The following NTM variants were observed in gnomAD, a reference collection of about 807,000 sequenced individuals.
The protein encoded by NTM is IgLON family member 2.
NTM carries 13 observed loss-of-function variants against 42.1 expected under a neutral mutation model. The ratio of observed to expected loss-of-function variants is 0.31; its 90% confidence interval spans 0.20 to 0.49. NTM has a LOEUF of 0.49. Among genes scored for constraint, NTM ranks in the 20% least tolerant of loss-of-function variants. The pLI is 0.99. For synonymous variants in NTM, 187 were observed against 179.2 expected (o/e 1.04, Z -0.35); for missense variants, 373 against 452.8 (o/e 0.82, Z 1.60).
chr11:132,330,216 T>C lies in NTM; in HGVS notation c.967+31T>C, dbSNP rs959019928. On this transcript the variant is annotated intron_variant, in intron 8 of 8. Coordinates refer to ENST00000683400, the MANE Select transcript of NTM (RefSeq NM_001352005.2). ...TATATTTTTCAGACAGCTGCTGCCT[T>C]GGTGGGTGTGGGGTATGTAAAACTC... 22 of 1,544,262 alleles carry C rather than the reference T, an allele frequency of 1.4e-5. No individual in the cohort carries two copies. The African/African-American group carries it at 2.6e-4, about 18-fold the overall frequency.
intron 4 of NTM, among the ~76,000 whole-genome samples, chr11:132,241,335 A>G (rs1403738407): frequency 6.6e-6 from 1 of 152,200 alleles, no homozygotes; most frequent in Non-Finnish European, 1.5e-5. Flanking sequence ...AGCCTATTTT[A>G]TTTGGTTGAT....
intron 1 of NTM, among the ~76,000 whole-genome samples, chr11:131,419,684 A>T (rs1947307129): frequency 2.6e-5 from 4 of 152,230 alleles, no homozygotes; most frequent in Admixed American, 1.3e-4. Context: ...GTTGAAGGCC[A>T]TAATAAAAAG....
At position 131,756,306 on chromosome 11, in the gene NTM, C is replaced by T. The variant is rs143159252; in HGVS notation, c.83-155258C>T. Among the ~76,000 whole-genome samples, 518 of 152,190 alleles carry T rather than the reference C, an allele frequency of 3.4e-3. 2 individuals carry two copies. The highest frequency in any genetic ancestry group is 0.027 in the Middle Eastern group (8 of 294). ...TCTCCTCTTGTTAAAGAATTGCAGGCGGGGCGTGGTGACACACCTGTAATT... is the reference window on the plus strand; with the variant it reads ...TCTCCTCTTGTTAAAGAATTGCAGGTGGGGCGTGGTGACACACCTGTAATT... On this transcript the variant is annotated intron_variant, in intron 1 of 8. Transcript: ENST00000683400.
At chr11:132,207,418 C>T (rs972894044) in intron 3 of NTM, among the ~76,000 whole-genome samples, 3 of 152,150 alleles carry the variant, frequency 2.0e-5, no homozygotes, top group South Asian at 4.1e-4. Flanking sequence ...CCCCTAGTTG[C>T]AGGAAAACAA....
intron 1 of NTM, among the ~76,000 whole-genome samples, chr11:131,498,000 C>T (rs139500184): frequency 0.025 from 3,769 of 152,318 alleles, 151 homozygotes; most frequent in African/African-American, 0.085. Flanking sequence ...AAAGACTCAG[C>T]AGTAGGGACT....
intron 1 of NTM, among the ~76,000 whole-genome samples, chr11:131,505,866 C>T (rs989667742): frequency 2.6e-5 from 4 of 152,092 alleles, no homozygotes; most frequent in Non-Finnish European, 4.4e-5. Flanking sequence ...TGTGTGATCC[C>T]GCGCAAGTTA....
At chr11:131,982,276 T>G (rs1214572051) in intron 2 of NTM, among the ~76,000 whole-genome samples, 3 of 151,840 alleles carry the variant, frequency 2.0e-5, no homozygotes, top group African/African-American at 7.3e-5. Flanking sequence ...CTGATTGGAG[T>G]AGAGTTTGCA....
intron 1 of NTM, among the ~76,000 whole-genome samples, chr11:131,655,715 C>T (rs902397974): frequency 1.5e-4 from 23 of 152,136 alleles, no homozygotes; most frequent in African/African-American, 2.7e-4. Context: ...GCACATTGTT[C>T]GATCTGACTG....
chr11:131,910,890 G>A, intron 1 of NTM: 2 of 985,544 alleles, frequency 2.0e-6, no homozygotes, highest in Non-Finnish European at 2.4e-6. Context: ...GGCCCGGATC[G>A]CACGAAGCCC....
chr11:131,804,813 A>G (rs1301493006), intron 1 of NTM, among the ~76,000 whole-genome samples: 4 of 152,176 alleles, frequency 2.6e-5, no homozygotes, highest in Non-Finnish European at 5.9e-5. Flanking sequence ...TGATTAAGTC[A>G]TGAAAGCTCT....
At chr11:132,154,110 G>A (rs1428448655) in intron 3 of NTM, among the ~76,000 whole-genome samples, 1 of 152,126 alleles carries the variant, frequency 6.6e-6, no homozygotes, top group Non-Finnish European at 1.5e-5. Flanking sequence ...CAGAGTTCCT[G>A]GGGTGAAATC....
intron 1 of NTM, among the ~76,000 whole-genome samples, chr11:131,718,573 G>C (rs553147949): frequency 1.3e-5 from 2 of 152,286 alleles, no homozygotes; most frequent in South Asian, 2.1e-4. Context: ...GCTGGGCACT[G>C]TTCCTTCCAA....
rs938669842 is a variant in NTM, at chr11:132,335,853, A to AAAC, written c.*708_*710dup. 2.0e-5 allele frequency: 3 copies of AAAC among 152,604 alleles called. No individual in the cohort carries two copies. The highest frequency in any genetic ancestry group is 7.2e-5 in the African/African-American group (3 of 41,444). The allele number at this position is 152,604 out of a possible 1,614,324, so 9.5% of individuals were successfully genotyped here. A position where few individuals can be genotyped will look rare whatever the true frequency, so the allele number is the denominator to read the frequency against. The stretch of plus-strand genomic sequence containing the variant: ...TAGAACTTACTGCAAAAACAAGACA[A>AAAC]AACTAAAAAAATACAACTGAGAAGG... On this transcript the variant is annotated 3_prime_UTR_variant, in exon 9 of 9. Transcript: ENST00000683400.
chr11:132,283,842 C>T (rs1015801132), intron 4 of NTM, among the ~76,000 whole-genome samples: 3 of 152,134 alleles, frequency 2.0e-5, no homozygotes, highest in African/African-American at 7.2e-5. Flanking sequence ...CTACCAGTAA[C>T]CGTGTCTGCA....
At chr11:132,262,725 C>T (rs1247160862) in intron 4 of NTM, among the ~76,000 whole-genome samples, 1 of 152,180 alleles carries the variant, frequency 6.6e-6, no homozygotes, top group Non-Finnish European at 1.5e-5. Flanking sequence ...CAAACATCTA[C>T]TCCATAGCAT....
chr11:132,315,303 G>A (rs759339999), intron 7 of NTM, among the ~76,000 whole-genome samples: 4 of 152,142 alleles, frequency 2.6e-5, no homozygotes, highest in Non-Finnish European at 4.4e-5. Flanking sequence ...GAAAGTGAGC[G>A]AGCTCCCTTG....
chr11:131,391,709 C>T (rs915523280), intron 1 of NTM, among the ~76,000 whole-genome samples: 15 of 146,438 alleles, frequency 1.0e-4, no homozygotes, highest in African/African-American at 3.8e-4. Flanking sequence ...AGGAGAGGGT[C>T]GGGAGACAGA....
intron 1 of NTM, among the ~76,000 whole-genome samples, chr11:131,691,750 G>GGGGCT (rs1421026107): frequency 6.6e-6 from 1 of 152,164 alleles, no homozygotes; most frequent in Non-Finnish European, 1.5e-5. Context: ...TGAGCGGAGC[G>GGGGCT]GGGCTGGGCT....
chr11:131,904,099 G>C (rs759203378), intron 1 of NTM, among the ~76,000 whole-genome samples: 1 of 152,130 alleles, frequency 6.6e-6, no homozygotes, highest in Non-Finnish European at 1.5e-5. Context: ...ACAAAGTACA[G>C]TTGGACCCAT....
Sources: gnomAD v4.1 joint callset for allele counts (sites outside exome capture counted in the v4.1 genomes callset) on GRCh38, gnomAD v4.1.1 for gene constraint, MANE v1.5 for transcripts, NCBI Gene and HGNC (gene_info 2026-07-23, HGNC 2026-07-21) for gene names.